The following ZNF385D variants were observed in gnomAD, a reference collection of about 807,000 sequenced individuals.
ZNF385D encodes the protein zinc finger protein 659.
Under a neutral mutation model 35.8 loss-of-function variants are expected in ZNF385D, and 15 were observed. That is an observed-to-expected ratio of 0.42 (90% CI 0.28 to 0.64). The LOEUF is 0.64. Among genes scored for constraint, ZNF385D ranks in the 30% least tolerant of loss-of-function variants. ZNF385D has a pLI of 0.23. For missense variants in ZNF385D, 474 were observed against 494.6 expected (o/e 0.96, Z 0.39); for synonymous variants, 212 against 186.8 (o/e 1.13, Z -1.10).
chr3:22,317,911 A>C (rs1157017929), intron 2 of ZNF385D, among the ~76,000 whole-genome samples: 1 of 151,990 alleles, frequency 6.6e-6, no homozygotes, highest in African/African-American at 2.4e-5. Flanking sequence ...AAATACAAAA[A>C]TTAGCCAGGC....
Position 21,842,786 on chromosome 3 carries a change from T to A in ZNF385D, c.326-177758A>T, listed in dbSNP as rs1695761185. Among the ~76,000 whole-genome samples, 3 of 152,214 alleles carry A rather than the reference T, an allele frequency of 2.0e-5. No individual in the cohort carries two copies. In the South Asian group the frequency reaches 6.2e-4, roughly 32 times the overall value. ...GGTTAATTCTACCTTTGATTTGCTA[T>A]CAAACAGCAGTTAAGCTAATGCAGA... On this transcript the variant is annotated intron_variant, in intron 3 of 5. Coordinates refer to the ZNF385D transcript ENST00000494108.
intron 1 of ZNF385D, among the ~76,000 whole-genome samples, chr3:21,739,305 A>G (rs573089356): frequency 4.4e-4 from 67 of 152,328 alleles, no homozygotes; most frequent in African/African-American, 1.6e-3. Context: ...GAAGTGCATG[A>G]GTTAAACATT....
chr3:21,497,391 A>G (rs1432773189), intron 4 of ZNF385D, among the ~76,000 whole-genome samples: 1 of 152,192 alleles, frequency 6.6e-6, no homozygotes, highest in Non-Finnish European at 1.5e-5. Flanking sequence ...CAAATAAAAT[A>G]TAGGTGAGAC....
chr3:22,132,678 G>A (rs567892833), intron 3 of ZNF385D, among the ~76,000 whole-genome samples: 1 of 151,674 alleles, frequency 6.6e-6, no homozygotes, highest in Non-Finnish European at 1.5e-5. Flanking sequence ...AACAATTAAT[G>A]GTCTTTATTA....
chr3:22,117,995 G>T (rs1320710742), intron 3 of ZNF385D, among the ~76,000 whole-genome samples: 1 of 151,976 alleles, frequency 6.6e-6, no homozygotes, highest in Non-Finnish European at 1.5e-5. Flanking sequence ...CTTAAAAAGG[G>T]TCAACAAAAT....
At chr3:21,788,996 G>A in intron 3 of ZNF385D, among the ~76,000 whole-genome samples, 1 of 152,084 alleles carries the variant, frequency 6.6e-6, no homozygotes, top group East Asian at 1.9e-4. Context: ...TGACAGATGA[G>A]ACCATGTGCT....
chr3:22,286,412 G>A (rs1702027189), intron 2 of ZNF385D, among the ~76,000 whole-genome samples: 1 of 151,660 alleles, frequency 6.6e-6, no homozygotes, highest in African/African-American at 2.4e-5. Context: ...TTTCTGCTCT[G>A]ATCTTTCTAG....
chr3:22,323,090 C>T (rs886666464), intron 2 of ZNF385D, among the ~76,000 whole-genome samples: 4 of 152,036 alleles, frequency 2.6e-5, no homozygotes, highest in African/African-American at 9.7e-5. Flanking sequence ...GCAGAAGAAT[C>T]CCCTTGGTTG....
intron 3 of ZNF385D, among the ~76,000 whole-genome samples, chr3:21,921,074 A>T (rs1266810086): frequency 1.3e-5 from 2 of 151,602 alleles, no homozygotes; most frequent in Admixed American, 1.3e-4. Context: ...AGAAAAAAAA[A>T]ATAGCCGGCG....
chr3:21,952,661 G>A (rs1204131554), intron 3 of ZNF385D, among the ~76,000 whole-genome samples: 1 of 151,772 alleles, frequency 6.6e-6, no homozygotes. Context: ...TACTAACTCC[G>A]AGCTTGGCCT....
chr3:21,675,372 A>G (rs2066693702), intron 1 of ZNF385D, among the ~76,000 whole-genome samples: 1 of 151,948 alleles, frequency 6.6e-6, no homozygotes, highest in Non-Finnish European at 1.5e-5. Flanking sequence ...GCTTCCATAC[A>G]CTGGGTACTG....
intron 3 of ZNF385D, among the ~76,000 whole-genome samples, chr3:21,761,339 A>T (rs990314003): frequency 6.6e-6 from 1 of 152,202 alleles, no homozygotes; most frequent in Non-Finnish European, 1.5e-5. Context: ...AGACCTCTAA[A>T]TTTGGGGTAA....
chr3:21,661,020 AAAG>A (rs1383579613), intron 2 of ZNF385D, among the ~76,000 whole-genome samples: 1 of 152,196 alleles, frequency 6.6e-6, no homozygotes, highest in East Asian at 1.9e-4. Context: ...ACGCCACTGA[AAAG>A]AAATATTTCA....
intron 3 of ZNF385D, among the ~76,000 whole-genome samples, chr3:21,532,075 AAGAG>A (rs71266440): frequency 3.3e-5 from 5 of 150,910 alleles, no homozygotes; most frequent in Admixed American, 2.0e-4. Flanking sequence ...GGGAGAGAGA[AAGAG>A]AGAGAGAGAG....
chr3:21,464,611 C>G (rs1703389483), intron 4 of ZNF385D, among the ~76,000 whole-genome samples: 1 of 152,032 alleles, frequency 6.6e-6, no homozygotes, highest in African/African-American at 2.4e-5. Context: ...GTTTTTAAAC[C>G]ACAGCTGTTA....
intron 3 of ZNF385D, among the ~76,000 whole-genome samples, chr3:21,922,786 G>T (rs1016125236): frequency 8.5e-5 from 13 of 152,084 alleles, no homozygotes; most frequent in African/African-American, 3.1e-4. Flanking sequence ...AAATTGACAA[G>T]TGAGACCCAA....
At chr3:22,080,748 T>C (rs541102090) in intron 3 of ZNF385D, among the ~76,000 whole-genome samples, 1 of 151,810 alleles carries the variant, frequency 6.6e-6, no homozygotes, top group Non-Finnish European at 1.5e-5. Context: ...GGTAGGGCCT[T>C]TGGGGGGCAA....
chr3:21,805,300 TA>T (rs2072591062), intron 3 of ZNF385D, among the ~76,000 whole-genome samples: 1 of 148,918 alleles, frequency 6.7e-6, no homozygotes, highest in African/African-American at 2.5e-5. Flanking sequence ...AGATTTCTTG[TA>T]AATGTGGGTG....
chr3:21,908,799 A>G (rs1451253100), intron 3 of ZNF385D, among the ~76,000 whole-genome samples: 1 of 152,090 alleles, frequency 6.6e-6, no homozygotes, highest in African/African-American at 2.4e-5. Context: ...AAAAAAAACA[A>G]CAACCTTTGC....
Sources: gnomAD v4.1 joint callset for allele counts (sites outside exome capture counted in the v4.1 genomes callset) on GRCh38, gnomAD v4.1.1 for gene constraint, MANE v1.5 for transcripts, NCBI Gene and HGNC (gene_info 2026-07-23, HGNC 2026-07-21) for gene names.